LINGO2: variants seen among roughly 807,000 people sequenced by gnomAD.
LINGO2 encodes the protein leucine rich repeat and Ig domain containing 2.
Under a neutral mutation model 30.6 loss-of-function variants are expected in LINGO2, and 14 were observed. That is an observed-to-expected ratio of 0.46 (90% CI 0.30 to 0.72). The LOEUF is 0.72. Among genes scored for constraint, LINGO2 ranks in the 30% least tolerant of loss-of-function variants. The pLI is 0.07. For synonymous variants in LINGO2, 317 were observed against 288.5 expected, an observed-to-expected ratio of 1.10 and a Z score of -1.00; for missense variants, 729 against 751.7, an observed-to-expected ratio of 0.97 and a Z score of 0.35.
intron 4 of LINGO2, among the ~76,000 whole-genome samples, chr9:28,041,570 GCATT>G (rs1824197296): frequency 6.6e-6 from 1 of 152,154 alleles, no homozygotes; most frequent in Non-Finnish European, 1.5e-5. Flanking sequence ...GCCCAACTGA[GCATT>G]CAGATGTTTT....
At chr9:29,117,720 C>CA in the LINGO2 span, among the ~76,000 whole-genome samples, 1 of 152,192 alleles carries the variant, frequency 6.6e-6, no homozygotes, top group African/African-American at 2.4e-5. Context: ...CTGTTGAAGG[C>CA]AATTCTGGTG....
chr9:29,075,119 T>C, the LINGO2 span, among the ~76,000 whole-genome samples: 2 of 152,188 alleles, frequency 1.3e-5, no homozygotes, highest in Non-Finnish European at 2.9e-5. Context: ...GCATTCATAA[T>C]TGTGATTTAA....
chr9:28,510,705 TGTGTAC>T (rs1273285689), intron 1 of LINGO2, among the ~76,000 whole-genome samples: 2 of 151,244 alleles, frequency 1.3e-5, no homozygotes, highest in Non-Finnish European at 2.9e-5. Flanking sequence ...TGTGTGTGTG[TGTGTAC>T]ACACACACAG....
At chr9:29,078,590 TAAC>T in the LINGO2 span, among the ~76,000 whole-genome samples, 6 of 151,940 alleles carry the variant, frequency 3.9e-5, no homozygotes, top group East Asian at 1.9e-4. Flanking sequence ...CAGCATTTCT[TAAC>T]AAAATCCTCA....
At chr9:28,078,725 A>G (rs536868374) in intron 4 of LINGO2, among the ~76,000 whole-genome samples, 1 of 147,948 alleles carries the variant, frequency 6.8e-6, no homozygotes, top group South Asian at 2.1e-4. Flanking sequence ...ACATGCCTGT[A>G]TAATCCCAGC....
At chr9:27,963,551 C>G (rs1474880605) in intron 5 of LINGO2, among the ~76,000 whole-genome samples, 2 of 151,910 alleles carry the variant, frequency 1.3e-5, no homozygotes, top group African/African-American at 2.4e-5. Context: ...AATTGCTTAG[C>G]CTGGAAATTC....
chr9:28,395,753 A>G (rs9792637), intron 2 of LINGO2, among the ~76,000 whole-genome samples: 17,690 of 152,254 alleles, frequency 0.12, 1,150 homozygotes, highest in East Asian at 0.3. Flanking sequence ...TAGCATTCTG[A>G]TAAGTTTTTA....
chr9:28,839,613 TC>T, the LINGO2 span, among the ~76,000 whole-genome samples: 155 of 152,166 alleles, frequency 1.0e-3, no homozygotes, highest in African/African-American at 3.5e-3. Context: ...GGTCCCAACA[TC>T]TACCCCAGTC....
chr9:28,376,353 C>G (rs762560490), intron 2 of LINGO2, among the ~76,000 whole-genome samples: 3 of 152,142 alleles, frequency 2.0e-5, no homozygotes, highest in Non-Finnish European at 4.4e-5. Flanking sequence ...CACTAATCTT[C>G]TTCTAAGAGG....
At chr9:28,538,954 T>C (rs1564276000) in intron 1 of LINGO2, among the ~76,000 whole-genome samples, 3 of 151,830 alleles carry the variant, frequency 2.0e-5, no homozygotes, top group Non-Finnish European at 4.4e-5. Context: ...AAAAATAAAA[T>C]AAAAAAATCC....
intron 2 of LINGO2, among the ~76,000 whole-genome samples, chr9:28,441,672 T>C (rs1165484703): frequency 6.6e-6 from 1 of 152,186 alleles, no homozygotes; most frequent in African/African-American, 2.4e-5. Context: ...ATCATGCATT[T>C]ATAGTTACCA....
At chr9:28,400,668 G>T (rs1427863914) in intron 2 of LINGO2, among the ~76,000 whole-genome samples, 1 of 152,104 alleles carries the variant, frequency 6.6e-6, no homozygotes, top group Non-Finnish European at 1.5e-5. Flanking sequence ...ATTATCAAAG[G>T]TACCCATGAA....
chr9:28,608,759 T>A (rs573246182), intron 1 of LINGO2, among the ~76,000 whole-genome samples: 3 of 152,022 alleles, frequency 2.0e-5, no homozygotes, highest in Non-Finnish European at 4.4e-5. Flanking sequence ...CAGGTAACTT[T>A]TCCTTCGAAC....
intron 1 of LINGO2, among the ~76,000 whole-genome samples, chr9:28,562,364 A>G (rs1823135306): frequency 6.7e-6 from 1 of 149,642 alleles, no homozygotes; most frequent in African/African-American, 2.5e-5. Context: ...CTCCCACATA[A>G]CCATCTCTAA....
chr9:28,159,694 T>A (rs978243216), intron 4 of LINGO2, among the ~76,000 whole-genome samples: 3 of 152,162 alleles, frequency 2.0e-5, no homozygotes, highest in Middle Eastern at 3.2e-3. Flanking sequence ...TCCTTTATAG[T>A]CTTCTGAGAT....
chr9:28,037,313 T>C (rs1420216054), intron 4 of LINGO2, among the ~76,000 whole-genome samples: 1 of 152,204 alleles, frequency 6.6e-6, no homozygotes, highest in Non-Finnish European at 1.5e-5. Flanking sequence ...GCACCATCTC[T>C]TGCCATTTCT....
chr9:27,988,102 G>A (rs1417018649), intron 5 of LINGO2, among the ~76,000 whole-genome samples: 2 of 151,968 alleles, frequency 1.3e-5, no homozygotes, highest in African/African-American at 2.4e-5. Context: ...AACATGTGGT[G>A]TTTGTTTTTT....
chr9:28,217,518 A>G (rs545609828), intron 4 of LINGO2, among the ~76,000 whole-genome samples: 41 of 152,184 alleles, frequency 2.7e-4, no homozygotes, highest in African/African-American at 9.4e-4. Flanking sequence ...AGTTTTCTCT[A>G]TAAGAGCAAA....
intron 1 of LINGO2, among the ~76,000 whole-genome samples, chr9:28,479,311 T>C (rs1825842514): frequency 6.6e-6 from 1 of 151,974 alleles, no homozygotes; most frequent in Non-Finnish European, 1.5e-5. Context: ...TAAAGAATCA[T>C]ATCTCTGCTA....
Sources: allele counts gnomAD v4.1 joint callset (sites outside exome capture counted in the v4.1 genomes callset), GRCh38; gene constraint gnomAD v4.1.1; transcripts MANE v1.5; gene names NCBI Gene and HGNC (gene_info 2026-07-23, HGNC 2026-07-21).